Variants in WWC2 observed in about 807,000 individuals in gnomAD.
WWC2 encodes WW and C2 domain containing 2, also known as protein WWC2.
Under a neutral mutation model 138.5 loss-of-function variants are expected in WWC2, and 101 were observed. That is an observed-to-expected ratio of 0.73 (90% CI 0.62 to 0.86). The LOEUF is 0.86. Ranked by LOEUF, WWC2 falls within the 40% of genes least tolerant of loss-of-function variation. WWC2 has a pLI of 0.00. For missense variants in WWC2, 1,420 were observed against 1,419.4 expected, an observed-to-expected ratio of 1.00 and a Z score of -0.01; for synonymous variants, 558 against 538.4, an observed-to-expected ratio of 1.04 and a Z score of -0.50.
intron 1 of WWC2, among the ~76,000 whole-genome samples, chr4:183,130,199 C>T (rs1052369491): frequency 9.2e-5 from 14 of 151,990 alleles, no homozygotes; most frequent in Admixed American, 9.2e-4. Flanking sequence ...ACTACAGGCG[C>T]CCGCCACCAC....
chr4:183,156,131 A>G (rs758894666), intron 1 of WWC2, among the ~76,000 whole-genome samples: 31 of 151,832 alleles, frequency 2.0e-4, no homozygotes, highest in African/African-American at 7.5e-4. Context: ...GGTTCAAGCT[A>G]TTCTCCTGCC....
intron 1 of WWC2, among the ~76,000 whole-genome samples, chr4:183,120,239 T>C (rs1732555967): frequency 6.6e-6 from 1 of 152,226 alleles, no homozygotes; most frequent in East Asian, 1.9e-4. Flanking sequence ...AAAGGGAATG[T>C]ATATAAATTT....
intron 1 of WWC2, among the ~76,000 whole-genome samples, chr4:183,186,238 C>T (rs1734797543): frequency 1.3e-5 from 2 of 152,206 alleles, no homozygotes; most frequent in South Asian, 4.1e-4. Flanking sequence ...TCCACTGTGC[C>T]TGGCCTAACA....
intron 1 of WWC2, among the ~76,000 whole-genome samples, chr4:183,192,648 A>G (rs1422214377): frequency 6.6e-6 from 1 of 152,172 alleles, no homozygotes; most frequent in Non-Finnish European, 1.5e-5. Context: ...AATGACCTAT[A>G]TTTCAGTTGA....
At chr4:183,147,154 C>A (rs555775633) in intron 1 of WWC2, among the ~76,000 whole-genome samples, 1 of 152,304 alleles carries the variant, frequency 6.6e-6, no homozygotes, top group South Asian at 2.1e-4. Context: ...TTTTCTTACT[C>A]CTCCAGTCTC....
At chr4:183,180,182 T>C (rs1734584487) in intron 1 of WWC2, among the ~76,000 whole-genome samples, 1 of 152,146 alleles carries the variant, frequency 6.6e-6, no homozygotes, top group Non-Finnish European at 1.5e-5. Flanking sequence ...GTTAAAGATA[T>C]TTTTGCTACT....
chr4:183,158,884 G>A (rs774222148), intron 1 of WWC2, among the ~76,000 whole-genome samples: 5 of 152,156 alleles, frequency 3.3e-5, no homozygotes, highest in Non-Finnish European at 4.4e-5. Flanking sequence ...GATGCAGGCA[G>A]GTTTATCTTA....
intron 21 of WWC2, among the ~76,000 whole-genome samples, chr4:183,290,248 G>A (rs1185218157): frequency 6.6e-6 from 1 of 152,110 alleles, no homozygotes; most frequent in Non-Finnish European, 1.5e-5. Context: ...TGGGCGCAGT[G>A]GCTCACACCT....
At chr4:183,184,593 C>T (rs1250644884) in intron 1 of WWC2, among the ~76,000 whole-genome samples, 3 of 152,182 alleles carry the variant, frequency 2.0e-5, no homozygotes, top group East Asian at 3.9e-4. Flanking sequence ...TACGTTGCCA[C>T]CCACAATGTA....
chr4:183,099,531 CG>C lies in WWC2; in HGVS notation c.44del (p.Gly15AlafsTer31). ...RAGSGQLPLPRGWEEARDYDG... is the reference protein window; with the variant it reads ...RAGSGQLPLPXGWEEARDYDG... ...CGGGAGCGGTCAGCTGCCGCTGCCC[CG>C]GGGCTGGGAGGAGGCCAGGGACTAC... On this transcript the variant is annotated frameshift_variant, in exon 1 of 23. Coordinates refer to ENST00000403733, the MANE Select transcript of WWC2 (RefSeq NM_024949.6). LOFTEE classifies it high-confidence loss of function. The C allele has an allele frequency of 3.6e-6, 5 of 1,401,434 alleles. No individual in the cohort carries two copies. Among genetic ancestry groups the C allele is most frequent in the South Asian group, 1.5e-5 (1 of 66,512 alleles). The allele number at this position is 1,401,434 out of a possible 1,614,324, so 86.8% of individuals were successfully genotyped here.
chr4:183,118,034 G>A (rs552772741), intron 1 of WWC2, among the ~76,000 whole-genome samples: 7 of 152,182 alleles, frequency 4.6e-5, no homozygotes, highest in South Asian at 2.1e-4. Context: ...TGCTGACTTC[G>A]TGATCCACCC....
intron 12 of WWC2, 140 bp from the exon 13 acceptor site, chr4:183,265,548 C>G (rs575726518): frequency 1.1e-6 from 1 of 871,548 alleles, no homozygotes; most frequent in East Asian, 2.7e-5. Context: ...AGTAAGCTTT[C>G]GCTGGGATCA....
At chr4:183,124,737 G>A (rs1003075235) in intron 1 of WWC2, among the ~76,000 whole-genome samples, 5 of 151,738 alleles carry the variant, frequency 3.3e-5, no homozygotes, top group Admixed American at 1.3e-4. Context: ...TTACAGGCAC[G>A]CGCCACCATG....
At position 183,207,887 on chromosome 4, in the gene WWC2, T is replaced by C. The variant is rs1735487323; in HGVS notation, c.242-66T>C. The C allele has an allele frequency of 1.2e-5, 17 of 1,440,840 alleles. 1 individual carries two copies. In the South Asian group the frequency reaches 2.4e-4, roughly 21 times the overall value. 89.3% of individuals were successfully genotyped at this position (1,440,840 alleles called of 1,614,324 possible). On this transcript the variant is annotated intron_variant, in intron 2 of 22. Coordinates refer to ENST00000403733, the MANE Select transcript of WWC2 (RefSeq NM_024949.6). ...CAAGAACTTAAGCTAGCCTACTCCC[T>C]AAAGCTTAAACAAGCCGGAAAACAA... is the stretch of plus-strand genomic sequence containing the variant.
intron 10 of WWC2, 147 bp from the exon 11 acceptor site, chr4:183,260,763 T>A (rs1241760585): frequency 6.4e-6 from 7 of 1,086,166 alleles, no homozygotes; most frequent in Non-Finnish European, 9.0e-6. Context: ...CACACGGCCG[T>A]AATATAGGGA....
At chr4:183,226,095 C>CTTTTTTTTTTTTTTTTT (rs11321151) in intron 4 of WWC2, among the ~76,000 whole-genome samples, 1 of 113,530 alleles carries the variant, frequency 8.8e-6, no homozygotes, top group Admixed American at 8.4e-5. Flanking sequence ...CTTTTCTTTT[C>CTTTTTTTTTTTTTTTTT]TTTTTTTTTT....
At chr4:183,250,024 C>T in intron 8 of WWC2, 31 bp downstream of exon 8, 1 of 1,580,596 alleles carries the variant, frequency 6.3e-7, no homozygotes, top group South Asian at 1.1e-5. Context: ...TTGTGCATGG[C>T]TCAAACATTT....
At chr4:183,302,144 C>A (rs1360199267) in intron 21 of WWC2, among the ~76,000 whole-genome samples, 2 of 152,096 alleles carry the variant, frequency 1.3e-5, no homozygotes, top group Non-Finnish European at 2.9e-5. Context: ...ATTTTTGTAC[C>A]TTTCTGGTCA....
At chr4:183,309,722 G>C (rs1739147085) in intron 21 of WWC2, among the ~76,000 whole-genome samples, 2 of 152,182 alleles carry the variant, frequency 1.3e-5, no homozygotes, top group Admixed American at 1.3e-4. Flanking sequence ...TGTGCTCCTT[G>C]GTATGAGTTG....
Sources: allele counts gnomAD v4.1 joint callset (sites outside exome capture counted in the v4.1 genomes callset), GRCh38; gene constraint gnomAD v4.1.1; transcripts MANE v1.5; gene names NCBI Gene and HGNC (gene_info 2026-07-23, HGNC 2026-07-21).